PCDHGA12: variants seen among roughly 807,000 people sequenced by gnomAD.
PCDHGA12 encodes protocadherin gamma subfamily A, 12.
In PCDHGA12, 43 loss-of-function variants were observed where a neutral mutation model predicts 61.1. That is an observed-to-expected ratio of 0.70 (90% CI 0.55 to 0.91). The LOEUF is 0.91. Ranked by LOEUF, PCDHGA12 falls within the 40% of genes least tolerant of loss-of-function variation. The probability of loss-of-function intolerance (pLI) is 0.00; values close to 1 mark genes in which losing one functional copy is unlikely to be tolerated. For synonymous variants in PCDHGA12, 520 were observed against 542.9 expected, an observed-to-expected ratio of 0.96 and a Z score of 0.59; for missense variants, 1,236 against 1,227.7, an observed-to-expected ratio of 1.01 and a Z score of -0.10.
chr5:141,450,931 T>G (rs571428678), intron 1 of PCDHGA12, among the ~76,000 whole-genome samples: 2 of 151,650 alleles, frequency 1.3e-5, no homozygotes, highest in African/African-American at 4.8e-5. Flanking sequence ...TTCAAGCAAT[T>G]CTCCTACCTC....
At chr5:141,447,390 G>A (rs1048677634) in intron 1 of PCDHGA12, among the ~76,000 whole-genome samples, 4 of 151,976 alleles carry the variant, frequency 2.6e-5, no homozygotes, top group Admixed American at 6.6e-5. Flanking sequence ...TGCCCACCTC[G>A]GCCTCCCAAA....
In PCDHGA12 at chr5:141,490,000, A is replaced by G. The variant is rs762999106; in HGVS notation, c.2425-4807A>G. The G allele has an allele frequency of 6.2e-7, 1 of 1,614,198 alleles. No individual in the cohort carries two copies. Among genetic ancestry groups the G allele is most frequent in the Admixed American group, 1.7e-5 (1 of 60,032 alleles). ...AGTTCTACGTGTGGGAATCCCAGAG[A>G]ATGCACCCATTGGTACTCTGCTGCT... On this transcript the variant is annotated intron_variant, in intron 1 of 3. Coordinates refer to ENST00000252085, the MANE Select transcript of PCDHGA12 (RefSeq NM_003735.3). The surrounding 1 kb of genome is among the most constrained non-coding windows in gnomAD (Gnocchi z 4.5).
chr5:141,495,470 C>A (rs2099761615), intron 2 of PCDHGA12, among the ~76,000 whole-genome samples: 1 of 152,196 alleles, frequency 6.6e-6, no homozygotes, highest in African/African-American at 2.4e-5. Flanking sequence ...GTGGGGTCTC[C>A]GTGTCTCTGC....
chr5:141,462,423 G>A (rs1367388191), intron 1 of PCDHGA12, among the ~76,000 whole-genome samples: 1 of 151,820 alleles, frequency 6.6e-6, no homozygotes, highest in East Asian at 1.9e-4. Context: ...GTCTATCTTG[G>A]TGAGTGTTGC....
At chr5:141,474,658 A>G (rs950490550) in intron 1 of PCDHGA12, among the ~76,000 whole-genome samples, 13 of 152,176 alleles carry the variant, frequency 8.5e-5, no homozygotes, top group African/African-American at 3.1e-4. Flanking sequence ...CTTCTTTTCT[A>G]CCTACCTAAC....
At chr5:141,438,635 T>TAC (rs56854727) in intron 1 of PCDHGA12, among the ~76,000 whole-genome samples, 5 of 33,422 alleles carry the variant, frequency 1.5e-4, no homozygotes, top group Admixed American at 8.3e-4. Flanking sequence ...TATATATATA[T>TAC]ACACACACAC....
intron 1 of PCDHGA12, among the ~76,000 whole-genome samples, chr5:141,448,214 G>A (rs2098576063): frequency 6.6e-6 from 1 of 152,092 alleles, no homozygotes; most frequent in Non-Finnish European, 1.5e-5. Context: ...CTGTGTGTAT[G>A]CGAATGTATG....
At position 141,490,155 on chromosome 5, in the gene PCDHGA12, G is replaced by A. The variant is rs753981059; in HGVS notation, c.2425-4652G>A. On this transcript the variant is annotated intron_variant, in intron 1 of 3. Transcript: ENST00000252085. This position sits in a 1 kb window ranked among gnomAD's most constrained non-coding sequence, Gnocchi z 5.4. ...CTAGCAGTGGGGCAATCCATGTGTT[G>A]GGTCCCATAGACTTTGAGGAGTCAC... 2 of 1,614,214 alleles carry A rather than the reference G, an allele frequency of 1.2e-6. No individual in the cohort carries two copies. The highest frequency in any genetic ancestry group is 1.1e-5 in the South Asian group (1 of 91,086).
chr5:141,436,840 C>T (rs1195342311), intron 1 of PCDHGA12, among the ~76,000 whole-genome samples: 1 of 152,220 alleles, frequency 6.6e-6, no homozygotes, highest in Admixed American at 6.5e-5. Flanking sequence ...TGCCTAGGCA[C>T]ATTCTTGATT....
chr5:141,468,229 G>A (rs1363462610), intron 1 of PCDHGA12, among the ~76,000 whole-genome samples: 4 of 150,884 alleles, frequency 2.7e-5, no homozygotes, highest in Non-Finnish European at 5.9e-5. Flanking sequence ...GGAGGATGAG[G>A]TAGGAGAATT....
At chr5:141,457,439 C>T (rs2098920819) in intron 1 of PCDHGA12, among the ~76,000 whole-genome samples, 1 of 152,194 alleles carries the variant, frequency 6.6e-6, no homozygotes, top group Non-Finnish European at 1.5e-5. Context: ...CACCAAGCTG[C>T]AGAAGATCAC....
At chr5:141,480,240 C>CA (rs11374694) in intron 1 of PCDHGA12, among the ~76,000 whole-genome samples, 21,591 of 113,808 alleles carry the variant, frequency 0.19, 1,578 homozygotes, top group Admixed American at 0.21. Context: ...CCTGTCTCTA[C>CA]AAAAAAAAAA....
rs756332070 is a variant in PCDHGA12, at chr5:141,431,578, C to A, written c.819C>A (p.Val273=). The stretch of plus-strand genomic sequence containing the variant: ...ACGCTACCGACCCTGACGAAGGAGT[C>A]AATGCGGAAGTGAGGTATTCCTTCC... ...VVNATDPDEG[V]NAEVRYSFRY... is the part of the protein sequence containing the mutation. Residue 273 remains valine, a synonymous_variant, in exon 1 of 4, where the codon GTC becomes GTA. Transcript: ENST00000252085. This position sits in a 1 kb window ranked among gnomAD's most constrained non-coding sequence, Gnocchi z 4.8. 6.2e-7 allele frequency: 1 copy of A among 1,614,164 alleles called. No homozygotes were observed. Among genetic ancestry groups the A allele is most frequent in the African/African-American group, 1.3e-5 (1 of 75,060 alleles).
rs770249472 is a variant in PCDHGA12, at chr5:141,477,747, C to T, written c.2425-17060C>T. On this transcript the variant is annotated intron_variant, in intron 1 of 3. Transcript: ENST00000252085. The surrounding 1 kb of genome is among the most constrained non-coding windows in gnomAD (Gnocchi z 4.9). ...ACAGCTCATATCAGCGATGGGGGCA[C>T]CCCGGTCCTAGCCACCAACATCAGC... 6.2e-7 allele frequency: 1 copy of T among 1,613,840 alleles called. No individual in the cohort carries two copies. The highest frequency in any genetic ancestry group is 1.7e-5 in the Admixed American group (1 of 60,026).
rs35482758 is a variant in PCDHGA12, at chr5:141,473,653, G to A, written c.2425-21154G>A. On this transcript the variant is annotated intron_variant, in intron 1 of 3. Coordinates refer to ENST00000252085, the MANE Select transcript of PCDHGA12 (RefSeq NM_003735.3). ...AGCTTTCCTGGCAAAGGAACAATTT[G>A]TGTGAAGGCCCTGAGACAGGGAAGG... Among the ~76,000 whole-genome samples, 302 of 152,274 alleles carry A rather than the reference G, an allele frequency of 2.0e-3. 1 individual carries two copies. Among genetic ancestry groups the A allele is most frequent in the Middle Eastern group, 0.01 (3 of 294 alleles).
intron 2 of PCDHGA12, among the ~76,000 whole-genome samples, chr5:141,501,287 TTA>T (rs1491235092): frequency 6.2e-5 from 6 of 96,980 alleles, no homozygotes; most frequent in African/African-American, 2.5e-4. Context: ...GGATATTCCC[TTA>T]TACACACACA....
intron 1 of PCDHGA12, chr5:141,468,497 C>T (rs1033597673): frequency 2.0e-5 from 3 of 152,074 alleles, no homozygotes; most frequent in Non-Finnish European, 4.4e-5. Context: ...GGAAGATTTT[C>T]ATGTGGACAA....
rs1289898516 is a variant in PCDHGA12 at position 141,487,019 on chromosome 5, C to G, written c.2425-7788C>G. ...CTATCAGCTCCTGGAGGCCCCAGAT[C>G]CCAGCCTGTTTGCAGTCTCTCGATA... On this transcript the variant is annotated intron_variant, in intron 1 of 3. Transcript: ENST00000252085. The surrounding 1 kb of genome is among the most constrained non-coding windows in gnomAD (Gnocchi z 5.0). 1 of 1,614,204 alleles carries G rather than the reference C, an allele frequency of 6.2e-7. No homozygotes were observed. The highest frequency in any genetic ancestry group is 8.5e-7 in the Non-Finnish European group (1 of 1,180,042).
chr5:141,458,408 C>T (rs895785923), intron 1 of PCDHGA12, among the ~76,000 whole-genome samples: 3 of 151,932 alleles, frequency 2.0e-5, no homozygotes, highest in Non-Finnish European at 2.9e-5. Context: ...AGAGACGGAG[C>T]GGGGGTTCCA....
Sources: allele counts gnomAD v4.1 joint callset (sites outside exome capture counted in the v4.1 genomes callset), GRCh38; gene constraint gnomAD v4.1.1; non-coding constraint Gnocchi (gnomAD v3.1); transcripts MANE v1.5; gene names NCBI Gene and HGNC (gene_info 2026-07-23, HGNC 2026-07-21).